SLC44A1: variants seen among roughly 807,000 people sequenced by gnomAD.
SLC44A1 encodes the protein choline transporter-like protein 1.
In SLC44A1, 26 loss-of-function variants were observed where a neutral mutation model predicts 79.3. The observed-to-expected ratio is 0.33, with a 90% CI of 0.24 to 0.46. SLC44A1 has a LOEUF of 0.46. Ranked by LOEUF, SLC44A1 falls within the 20% of genes least tolerant of loss-of-function variation. The probability of loss-of-function intolerance (pLI) is 1.00; values close to 1 mark genes in which losing one functional copy is unlikely to be tolerated. For synonymous variants in SLC44A1, 263 were observed against 286.2 expected, an observed-to-expected ratio of 0.92 and a Z score of 0.82; for missense variants, 688 against 798.1, an observed-to-expected ratio of 0.86 and a Z score of 1.66.
At chr9:105,302,329 G>A (rs550100947) in intron 2 of SLC44A1, among the ~76,000 whole-genome samples, 51 of 152,098 alleles carry the variant, frequency 3.4e-4, no homozygotes, top group African/African-American at 1.1e-3. Context: ...CTGTACATTG[G>A]AATTAGCTGG....
chr9:105,379,908 A>G (rs765375560), intron 13 of SLC44A1, among the ~76,000 whole-genome samples: 5 of 152,194 alleles, frequency 3.3e-5, no homozygotes, highest in Non-Finnish European at 7.3e-5. Context: ...TTGACAATTT[A>G]TTTGACTTGG....
chr9:105,418,332 A>AAAAG (rs1175791142), intron 15 of SLC44A1, among the ~76,000 whole-genome samples: 52 of 148,898 alleles, frequency 3.5e-4, no homozygotes, highest in African/African-American at 4.0e-4. Flanking sequence ...AAAAAAAAAA[A>AAAAG]AAAGAAAGAA....
chr9:105,255,182 T>C (rs1385616005), intron 1 of SLC44A1, among the ~76,000 whole-genome samples: 2 of 151,596 alleles, frequency 1.3e-5, no homozygotes, highest in Non-Finnish European at 2.9e-5. Flanking sequence ...TCTCACAGTA[T>C]ATAAAATGCA....
intron 15 of SLC44A1, among the ~76,000 whole-genome samples, chr9:105,411,854 T>C (rs1331200262): frequency 1.3e-5 from 2 of 152,220 alleles, no homozygotes; most frequent in Non-Finnish European, 2.9e-5. Context: ...CCCATTACTG[T>C]GTGCTAACTT....
At position 105,309,895 on chromosome 9, in the gene SLC44A1, A is replaced by T. The variant is rs149604610; in HGVS notation, c.269+29A>T. ...AGTAGACTTGCTGAATGATGAACACATGGAAACTTTGAAAGAGGCACAGAG... is the reference window on the plus strand; with the variant it reads ...AGTAGACTTGCTGAATGATGAACACTTGGAAACTTTGAAAGAGGCACAGAG... On this transcript the variant is annotated intron_variant, in intron 3 of 15. Transcript: ENST00000374720. The T allele has an allele frequency of 5.4e-3, 8,678 of 1,601,644 alleles. 34 individuals carry two copies. Among genetic ancestry groups the T allele is most frequent in the Non-Finnish European group, 6.6e-3 (7,792 of 1,172,024 alleles).
intron 4 of SLC44A1, among the ~76,000 whole-genome samples, chr9:105,337,566 C>T (rs1009709291): frequency 6.6e-6 from 1 of 152,176 alleles, no homozygotes. Context: ...TATTAACATT[C>T]CTAGAACTTC....
At position 105,392,628 on chromosome 9, in the gene SLC44A1, T is replaced by G. The variant is rs970803694; in HGVS notation, c.*3572T>G. ...CCTCTCCCTCCCTCTTCAAAACAGC[T>G]ACAGGAACTGCAGGCACCACATATG... On this transcript the variant is annotated 3_prime_UTR_variant, in exon 16 of 16. Coordinates refer to ENST00000374720, the MANE Select transcript of SLC44A1 (RefSeq NM_080546.5). The G allele has an allele frequency of 9.1e-6, 9 of 985,314 alleles. No homozygotes were observed. Among genetic ancestry groups the G allele is most frequent in the Non-Finnish European group, 1.1e-5 (9 of 829,992 alleles). The allele number at this position is 985,314 out of a possible 1,614,324, so 61.0% of individuals were successfully genotyped here. A position where few individuals can be genotyped will look rare whatever the true frequency, so the allele number is the denominator to read the frequency against.
rs201664137 is a variant in SLC44A1 at position 105,356,390 on chromosome 9, T to C, written c.670+9T>C. 677 of 1,568,904 alleles carry C rather than the reference T, an allele frequency of 4.3e-4. 11 individuals carry two copies. In the South Asian group the frequency reaches 6.6e-3, roughly 15 times the overall value. ...TTGCTTGTTATCACTAGGTAATTGT[T>C]TTTCTCATTATTAGCTATTGCATAG... is the stretch of plus-strand genomic sequence containing the variant. On this transcript the variant is annotated intron_variant, in intron 6 of 15. Transcript: ENST00000374720.
chr9:105,314,578 T>A (rs73668909), intron 3 of SLC44A1, among the ~76,000 whole-genome samples: 7,337 of 152,266 alleles, frequency 0.048, 581 homozygotes, highest in African/African-American at 0.17. Context: ...CTTTTTTATC[T>A]TCTTGTCTTT....
chr9:105,344,672 A>G (rs956197512), intron 4 of SLC44A1, among the ~76,000 whole-genome samples: 2 of 152,216 alleles, frequency 1.3e-5, no homozygotes, highest in Non-Finnish European at 2.9e-5. Flanking sequence ...TGTTTTATTC[A>G]ACAGAAGGCT....
chr9:105,276,950 C>T (rs1290662523), intron 1 of SLC44A1, among the ~76,000 whole-genome samples: 3 of 152,140 alleles, frequency 2.0e-5, no homozygotes, highest in East Asian at 1.9e-4. Flanking sequence ...TTTCCAATCA[C>T]GTTATTGAAA....
intron 3 of SLC44A1, among the ~76,000 whole-genome samples, chr9:105,315,454 T>C (rs1831297365): frequency 6.6e-6 from 1 of 152,148 alleles, no homozygotes. Context: ...TAGTGGCCAC[T>C]GATCACCTTC....
intron 15 of SLC44A1, 127 bp from the exon 16 acceptor site, chr9:105,388,906 G>C (rs1828694716): frequency 2.8e-6 from 2 of 717,726 alleles, no homozygotes; most frequent in Non-Finnish European, 5.1e-6. Context: ...GAATTCAGGG[G>C]AGAAGGATTC....
intron 13 of SLC44A1, among the ~76,000 whole-genome samples, chr9:105,378,526 G>C (rs932487014): frequency 1.3e-5 from 2 of 151,884 alleles, no homozygotes; most frequent in African/African-American, 4.8e-5. Context: ...AATTAATTAG[G>C]GTTCTTGATG....
chr9:105,378,003 T>G (rs1828347305), intron 13 of SLC44A1, among the ~76,000 whole-genome samples: 1 of 152,120 alleles, frequency 6.6e-6, no homozygotes, highest in African/African-American at 2.4e-5. Flanking sequence ...ATCCCAACAC[T>G]TTGGGAGGCT....
chr9:105,300,314 T>G (rs1830844513), intron 2 of SLC44A1, among the ~76,000 whole-genome samples: 1 of 152,186 alleles, frequency 6.6e-6, no homozygotes, highest in African/African-American at 2.4e-5. Context: ...CTCTCTTTCT[T>G]AGTCTTCTAC....
intron 4 of SLC44A1, among the ~76,000 whole-genome samples, chr9:105,344,181 T>C (rs949407283): frequency 6.6e-6 from 1 of 152,204 alleles, no homozygotes; most frequent in African/African-American, 2.4e-5. Flanking sequence ...TTTTAAGGAA[T>C]ATTTTTCCTT....
In SLC44A1 at chr9:105,393,641, C is replaced by T. The variant is rs1368493129; in HGVS notation, c.*4585C>T. 3 of 983,680 alleles carry T rather than the reference C, an allele frequency of 3.0e-6. No individual in the cohort carries two copies. The allele number at this position is 983,680 out of a possible 1,614,324, so 60.9% of individuals were successfully genotyped here. A position where few individuals can be genotyped will look rare whatever the true frequency, so the allele number is the denominator to read the frequency against. On this transcript the variant is annotated 3_prime_UTR_variant, in exon 16 of 16. Transcript: ENST00000374720. ...TAGAAATACTGTAGTGCCCTTTCTT[C>T]CCATCTTGATTTTGTACATGTAAAG...
At chr9:105,325,126 A>T (rs774623785) in intron 3 of SLC44A1, among the ~76,000 whole-genome samples, 5 of 152,242 alleles carry the variant, frequency 3.3e-5, no homozygotes, top group Non-Finnish European at 7.3e-5. Context: ...TGATGACAGG[A>T]TAAACAAAAT....
Sources: gnomAD v4.1 joint callset for allele counts (sites outside exome capture counted in the v4.1 genomes callset) on GRCh38, gnomAD v4.1.1 for gene constraint, MANE v1.5 for transcripts, NCBI Gene and HGNC (gene_info 2026-07-23, HGNC 2026-07-21) for gene names.